Variants in PIEZO2 observed in about 807,000 individuals in gnomAD.
The protein encoded by PIEZO2 is piezo type mechanosensitive ion channel component 2.
PIEZO2 carries 172 observed loss-of-function variants against 337.3 expected under a neutral mutation model. The ratio of observed to expected loss-of-function variants is 0.51; its 90% CI spans 0.45 to 0.58. PIEZO2 has a LOEUF of 0.58. Ranked by LOEUF, PIEZO2 falls within the 20% of genes least tolerant of loss-of-function variation. The pLI, the probability that PIEZO2 is intolerant of heterozygous loss-of-function variation, is 0.00. For missense variants in PIEZO2, 3,028 were observed against 3,391.3 expected (o/e 0.89, Z 2.66); for synonymous variants, 1,251 against 1,228.5 (o/e 1.02, Z -0.38).
Position 10,685,229 on chromosome 18 carries a change from C to T in PIEZO2, c.7498-2937G>A, listed in dbSNP as rs532814468. ...TTACTGTTAAGAGCAGCTTATTATT[C>T]CACTTCATTCCAGACAGGGGATCAA... On this transcript the variant is annotated intron_variant, in intron 49 of 55. Transcript: ENST00000674853. Among the ~76,000 whole-genome samples, 235 of 152,244 alleles carry T rather than the reference C, an allele frequency of 1.5e-3. 2 individuals carry two copies. Among genetic ancestry groups the T allele is most frequent in the South Asian group, 1.9e-3 (9 of 4,824 alleles).
rs1253136463 is a variant in PIEZO2, at chr18:10,726,410, G to T, written c.5029+4997C>A. ...GCGGTAACAACGCGCGCCAGCCGTG[G>T]CACAACGCGGAGGGCCGGCTGCGGT... On this transcript the variant is annotated intron_variant, in intron 36 of 55. Transcript: ENST00000674853. The surrounding 1 kb of genome is among the most constrained non-coding windows in gnomAD (Gnocchi z 5.9). The T allele has an allele frequency of 4.6e-6, 7 of 1,528,680 alleles. No homozygotes were observed. The East Asian group carries it at 1.2e-4, about 27-fold the overall frequency. 94.7% of individuals were successfully genotyped at this position (1,528,680 alleles called of 1,614,324 possible). A position where few individuals can be genotyped will look rare whatever the true frequency, so the allele number is the denominator to read the frequency against.
rs145948361 is a variant in PIEZO2 at position 10,691,334 on chromosome 18, C to T, written c.7240G>A (p.Val2414Ile). Reference sequence around the variant, plus strand: ...TGGTAAGCAGACAACCCGAAGTAAACACATTTCACAAAGTACCAAAGCTGG... The same window carrying T: ...TGGTAAGCAGACAACCCGAAGTAAATACATTTCACAAAGTACCAAAGCTGG... Reference protein sequence around the residue: ...VAQLWYFVKCVYFGLSAYQIR... With the variant: ...VAQLWYFVKCIYFGLSAYQIR... Residue 2414 changes from valine (V) to isoleucine (I), a missense_variant, in exon 48 of 56, where the codon GTT (valine) becomes ATT (isoleucine). Around this residue, in one of 5 missense-constraint regions of PIEZO2, gnomAD observed 179 missense variants for 281.8 expected, o/e 0.64. Transcript: ENST00000674853. The T allele has an allele frequency of 2.2e-5, 36 of 1,613,862 alleles. No individual in the cohort carries two copies. The African/African-American group carries it at 4.0e-4, about 18-fold the overall frequency.
At chr18:10,911,474 G>A (rs2030471029) in intron 3 of PIEZO2, among the ~76,000 whole-genome samples, 1 of 149,680 alleles carries the variant, frequency 6.7e-6, no homozygotes, top group African/African-American at 2.5e-5. Flanking sequence ...CTGCAATGTG[G>A]CCAGCCGCAA....
intron 2 of PIEZO2, among the ~76,000 whole-genome samples, chr18:11,044,647 T>C (rs1230208086): frequency 6.6e-6 from 1 of 152,224 alleles, no homozygotes; most frequent in Non-Finnish European, 1.5e-5. Flanking sequence ...ACTACAAACC[T>C]AACCCTCACA....
chr18:10,906,232 C>G (rs2029908215), intron 4 of PIEZO2, among the ~76,000 whole-genome samples: 1 of 152,084 alleles, frequency 6.6e-6, no homozygotes, highest in Admixed American at 6.6e-5. Flanking sequence ...TATTTTGTTC[C>G]ACTATCCAAG....
chr18:10,756,469 G>A (rs936920455), intron 27 of PIEZO2, among the ~76,000 whole-genome samples: 17 of 150,806 alleles, frequency 1.1e-4, no homozygotes, highest in African/African-American at 4.2e-4. Context: ...AAGCTATGAG[G>A]ATGAGGAGGA....
chr18:10,848,256 G>T (rs2041425713), intron 7 of PIEZO2, among the ~76,000 whole-genome samples: 1 of 152,148 alleles, frequency 6.6e-6, no homozygotes, highest in Non-Finnish European at 1.5e-5. Flanking sequence ...CAGCATTGAG[G>T]CACTTATTTC....
rs1240298839 is a variant in PIEZO2, at chr18:10,850,336, T to G, written c.917+5017A>C. 6.6e-6 allele frequency among the ~76,000 whole-genome samples: 1 copy of G among 152,202 alleles called. No homozygotes were observed. Among genetic ancestry groups the G allele is most frequent in the Non-Finnish European group, 1.5e-5 (1 of 68,042 alleles). On this transcript the variant is annotated intron_variant, in intron 7 of 55. Coordinates refer to ENST00000674853, the MANE Select transcript of PIEZO2 (RefSeq NM_001378183.1). This position sits in a 1 kb window ranked among gnomAD's most constrained non-coding sequence, Gnocchi z 4.5. ...GCGTGGAATTTCAGTTTATACCATA[T>G]GCATGGGGAGGGCATCGCAAACCGG...
chr18:10,858,321 C>CAAAAAAAAAAAAAAAAAAA, intron 5 of PIEZO2, among the ~76,000 whole-genome samples: 1 of 56,350 alleles, frequency 1.8e-5, no homozygotes, highest in Non-Finnish European at 3.3e-5. Context: ...GACTTCAACC[C>CAAAAAAAAAAAAAAAAAAA]AAAAAAAAAA....
chr18:10,751,495 C>T (rs1314395975), intron 28 of PIEZO2, among the ~76,000 whole-genome samples: 1 of 152,190 alleles, frequency 6.6e-6, no homozygotes, highest in African/African-American at 2.4e-5. Flanking sequence ...TTCACCATCA[C>T]CTAGAAAATT....
chr18:10,773,601 C>G lies in PIEZO2; in HGVS notation c.2596G>C (p.Asp866His). ...GCAGTCAGATGCATCATGGTGAGGT[C>G]CGGGAGGCTTCCTTCCGGGTGGGCC... ...ELAHPEGSLPDLTMMHLTASL... is the reference protein window; with the variant it reads ...ELAHPEGSLPHLTMMHLTASL... The change falls in exon 20 of 56, where the codon GAC becomes CAC. Residue 866 changes from aspartate (D) to histidine (H), a missense_variant. Physicochemically the swap from Asp to His is moderately conservative, Grantham distance 81 (BLOSUM62 -1). Coordinates refer to ENST00000674853, the MANE Select transcript of PIEZO2 (RefSeq NM_001378183.1). The surrounding 1 kb of genome is among the most constrained non-coding windows in gnomAD (Gnocchi z 5.3). 1 of 1,537,282 alleles carries G rather than the reference C, an allele frequency of 6.5e-7. No homozygotes were observed. The highest frequency in any genetic ancestry group is 8.7e-7 in the Non-Finnish European group (1 of 1,146,926).
chr18:10,943,164 G>A lies in PIEZO2; in HGVS notation c.287-31936C>T, dbSNP rs922983244. On this transcript the variant is annotated intron_variant, in intron 3 of 55. Coordinates refer to ENST00000674853, the MANE Select transcript of PIEZO2 (RefSeq NM_001378183.1). The surrounding 1 kb of genome is among the most constrained non-coding windows in gnomAD (Gnocchi z 4.5). ...AGTGAGGAAGGGAAATGTGGAGTCA[G>A]AGCCATGACGCACAGTCCCTACTGG... 1.3e-5 allele frequency among the ~76,000 whole-genome samples: 2 copies of A among 152,234 alleles called. No homozygotes were observed. The highest frequency in any genetic ancestry group is 2.9e-5 in the Non-Finnish European group (2 of 68,040).
chr18:10,791,035 C>T (rs569001724), intron 14 of PIEZO2, among the ~76,000 whole-genome samples, 166 bp downstream of exon 14: 1 of 152,318 alleles, frequency 6.6e-6, no homozygotes, highest in African/African-American at 2.4e-5. Flanking sequence ...TCCTGTGCAA[C>T]TCTCACGTGT....
chr18:10,905,728 C>G (rs766879780), intron 4 of PIEZO2, among the ~76,000 whole-genome samples: 2 of 152,030 alleles, frequency 1.3e-5, no homozygotes, highest in Non-Finnish European at 2.9e-5. Context: ...GCTGCTGCAA[C>G]GTAATGACAA....
intron 2 of PIEZO2, among the ~76,000 whole-genome samples, chr18:11,006,542 A>T (rs1209442706): frequency 6.6e-6 from 1 of 152,154 alleles, no homozygotes; most frequent in East Asian, 1.9e-4. Flanking sequence ...AGTTAAATTT[A>T]TGGAGATCCA....
chr18:10,844,624 T>G (rs1002166822), intron 7 of PIEZO2, among the ~76,000 whole-genome samples: 2 of 150,972 alleles, frequency 1.3e-5, no homozygotes, highest in Non-Finnish European at 3.0e-5. Flanking sequence ...CCGTCTCTAC[T>G]AAAAAATACA....
At chr18:10,881,776 C>A (rs1226016049) in intron 4 of PIEZO2, among the ~76,000 whole-genome samples, 2 of 152,190 alleles carry the variant, frequency 1.3e-5, no homozygotes, top group Non-Finnish European at 2.9e-5. Context: ...AAACTCACTC[C>A]TTTTGTCCTG....
chr18:10,892,537 A>G (rs984459773), intron 4 of PIEZO2, among the ~76,000 whole-genome samples: 2 of 151,922 alleles, frequency 1.3e-5, no homozygotes, highest in Admixed American at 1.3e-4. Flanking sequence ...AAGATAACAC[A>G]CATCCTGACT....
In PIEZO2 at chr18:10,677,843, G is replaced by C; in HGVS notation, c.7985C>G (p.Ala2662Gly). The C allele has an allele frequency of 6.2e-7, 1 of 1,601,036 alleles. No individual in the cohort carries two copies. Among genetic ancestry groups the C allele is most frequent in the East Asian group, 2.2e-5 (1 of 44,718 alleles). Residue 2662 changes from alanine (A) to glycine (G), a missense_variant, in exon 53 of 56, where the codon GCA (alanine) becomes GGA (glycine). Ala to Gly is a moderately conservative substitution (Grantham distance 60, BLOSUM62 0). This residue lies in a region of PIEZO2 where 332 missense variants were observed against 363.8 expected (regional missense o/e 0.91). Coordinates refer to ENST00000674853, the MANE Select transcript of PIEZO2 (RefSeq NM_001378183.1). The surrounding 1 kb of genome is among the most constrained non-coding windows in gnomAD (Gnocchi z 4.1). ...NLSLGAKSEI[A>G]TDKLSFPLKN... is the part of the protein sequence containing the mutation. ...AAGAGGAAAAGAAAGCTTATCTGTT[G>C]CTATTTCCGATTTTGCACCCAGACT...
Sources: gnomAD v4.1 joint callset for allele counts (sites outside exome capture counted in the v4.1 genomes callset) on GRCh38, gnomAD v4.1.1 for gene constraint, gnomAD v4.1.1 regional missense constraint, Gnocchi (gnomAD v3.1) non-coding constraint, MANE v1.5 for transcripts, NCBI Gene and HGNC (gene_info 2026-07-23, HGNC 2026-07-21) for gene names.